The following CDH10 variants were observed in gnomAD, a reference collection of about 807,000 sequenced individuals.
CDH10 encodes the protein cadherin 10.
CDH10 carries 30 observed loss-of-function variants against 73.1 expected under a neutral mutation model. That is an observed-to-expected ratio of 0.41 (90% CI 0.31 to 0.56). The LOEUF (loss-of-function observed/expected upper bound fraction) is 0.56. Ranked by LOEUF, CDH10 falls within the 20% of genes least tolerant of loss-of-function variation. CDH10 has a pLI of 0.27. For synonymous variants in CDH10, 345 were observed against 348.2 expected (o/e 0.99, Z 0.10); for missense variants, 815 against 973.7 (o/e 0.84, Z 2.17).
Position 24,537,419 on chromosome 5 carries a change from C to A in CDH10, c.487G>T (p.Glu163Ter), listed in dbSNP as rs1743995448. The A allele has an allele frequency of 6.2e-7, 1 of 1,612,662 alleles. No homozygotes were observed. The highest frequency in any genetic ancestry group is 8.5e-7 in the Non-Finnish European group (1 of 1,179,054). The change falls in exon 3 of 12, where the codon GAA becomes TAA. Residue 163 changes from glutamate to a stop codon, truncating the protein, a stop_gained. Coordinates refer to ENST00000264463, the MANE Select transcript of CDH10 (RefSeq NM_006727.5). LOFTEE classifies it high-confidence loss of function. ...TCGGGAACACTAGCTGTATAGATTT[C>A]TTCTGGGAACGTTGGCTCATTGTCA... ...INDNEPTFPE[E>*]IYTASVPEMS...
intron 5 of CDH10, among the ~76,000 whole-genome samples, chr5:24,513,859 T>C (rs1198304184): frequency 6.6e-6 from 1 of 152,146 alleles, no homozygotes; most frequent in African/African-American, 2.4e-5. Flanking sequence ...GTCTGCTCTA[T>C]GGGGACCTCC....
intron 2 of CDH10, among the ~76,000 whole-genome samples, chr5:24,564,821 C>A (rs1262447830): frequency 1.3e-5 from 2 of 152,182 alleles, no homozygotes; most frequent in African/African-American, 4.8e-5. Flanking sequence ...TTCCACCTCT[C>A]TCAGGATACT....
At chr5:24,508,839 T>A (rs1429933222) in intron 7 of CDH10, among the ~76,000 whole-genome samples, 1 of 152,126 alleles carries the variant, frequency 6.6e-6, no homozygotes, top group East Asian at 1.9e-4. Flanking sequence ...TTTTAAAACT[T>A]CTCTCATTCA....
At chr5:24,512,169 C>G (rs989228082) in intron 5 of CDH10, among the ~76,000 whole-genome samples, 4 of 152,020 alleles carry the variant, frequency 2.6e-5, no homozygotes, top group African/African-American at 9.7e-5. Context: ...AGCATGTTGT[C>G]TCTTTATTTT....
chr5:24,518,390 T>C (rs1053073436), intron 5 of CDH10, among the ~76,000 whole-genome samples: 1 of 152,060 alleles, frequency 6.6e-6, no homozygotes, highest in Non-Finnish European at 1.5e-5. Context: ...CACACACACA[T>C]ATATATGCAC....
chr5:24,587,204 A>T (rs1746050209), intron 2 of CDH10, among the ~76,000 whole-genome samples: 2 of 152,184 alleles, frequency 1.3e-5, no homozygotes, highest in Non-Finnish European at 1.5e-5. Context: ...CTATTTAAGA[A>T]TTTACTTTAA....
Position 24,541,013 on chromosome 5 carries a change from T to C in CDH10, c.232-3339A>G, listed in dbSNP as rs546572126. 1.1e-4 allele frequency among the ~76,000 whole-genome samples: 16 copies of C among 152,080 alleles called. No homozygotes were observed. The South Asian group carries it at 2.9e-3, about 28-fold the overall frequency. On this transcript the variant is annotated intron_variant, in intron 2 of 11. Coordinates refer to ENST00000264463, the MANE Select transcript of CDH10 (RefSeq NM_006727.5). ...CAACTAAAAAAAAACCTTACACTTC[T>C]TATGTTTTTCAAAGTCAAGATCTGT...
At chr5:24,571,290 G>A (rs1745371643) in intron 2 of CDH10, among the ~76,000 whole-genome samples, 1 of 152,054 alleles carries the variant, frequency 6.6e-6, no homozygotes, top group Non-Finnish European at 1.5e-5. Flanking sequence ...ACATTTTTAA[G>A]AAGTTGGAAA....
At chr5:24,593,959 C>A (rs1419198727) in intron 1 of CDH10, among the ~76,000 whole-genome samples, 1 of 151,764 alleles carries the variant, frequency 6.6e-6, no homozygotes, top group African/African-American at 2.4e-5. Flanking sequence ...TAATTTAATG[C>A]AAATTATAAT....
intron 2 of CDH10, among the ~76,000 whole-genome samples, chr5:24,575,372 A>C (rs1745564592): frequency 1.3e-5 from 2 of 149,732 alleles, no homozygotes; most frequent in Admixed American, 1.3e-4. Context: ...AAAAAAAAAA[A>C]AGGAAAAAAA....
chr5:24,507,756 T>A (rs554184078), intron 7 of CDH10, among the ~76,000 whole-genome samples: 2 of 151,974 alleles, frequency 1.3e-5, no homozygotes, highest in South Asian at 4.2e-4. Context: ...TATAAAACTT[T>A]CAAAGGAAAA....
intron 5 of CDH10, among the ~76,000 whole-genome samples, chr5:24,531,310 T>C (rs1743737131): frequency 6.6e-6 from 1 of 152,110 alleles, no homozygotes; most frequent in African/African-American, 2.4e-5. Context: ...CTTTTACTTA[T>C]GTATGATTTG....
rs757864937 is a variant in CDH10, at chr5:24,492,846, T to C, written c.1595A>G (p.Asn532Ser). 4 of 1,546,622 alleles carry C rather than the reference T, an allele frequency of 2.6e-6. No homozygotes were observed. The highest frequency in any genetic ancestry group is 1.1e-5 in the South Asian group (1 of 89,736). ...QKFFFSLAAV[N>S]PNFTVQDNED... The stretch of plus-strand genomic sequence containing the variant: ...ATTATCCTGTACTGTGAAGTTTGGA[T>C]TGACAGCAGCTAAACTGAAAAAAAA... The change falls in exon 10 of 12, where the codon AAT (asparagine) becomes AGT (serine). Residue 532 changes from asparagine (N) to serine (S), a missense_variant. By Grantham distance (46) the Asn-to-Ser change is conservative (BLOSUM62 1). Transcript: ENST00000264463.
At position 24,574,839 on chromosome 5, in the gene CDH10, G is replaced by GAA. The variant is rs372892635; in HGVS notation, c.231+18419_231+18420dup. 3.4e-3 allele frequency among the ~76,000 whole-genome samples: 295 copies of GAA among 87,350 alleles called. 7 individuals carry two copies. The highest frequency in any genetic ancestry group is 8.1e-3 in the African/African-American group (287 of 35,596). The allele number at this position is 87,350 out of a possible 152,430, so 57.3% of individuals were successfully genotyped here. On this transcript the variant is annotated intron_variant, in intron 2 of 11. Transcript: ENST00000264463. ...ATTTAATTAGTTCAAAAGATGATAG[G>GAA]AAAAAAAAACCAGAGAACAAAACTA... is the stretch of plus-strand genomic sequence containing the variant.
At chr5:24,606,698 G>T (rs902609173) in intron 1 of CDH10, among the ~76,000 whole-genome samples, 5 of 151,980 alleles carry the variant, frequency 3.3e-5, no homozygotes, top group African/African-American at 1.2e-4. Flanking sequence ...TACCTTCATC[G>T]TATTTTTGTT....
chr5:24,612,597 T>A (rs1003183591), intron 1 of CDH10: 17 of 151,696 alleles, frequency 1.1e-4, no homozygotes, highest in African/African-American at 4.1e-4. Context: ...TACACATTAA[T>A]GCTTTTTGTA....
chr5:24,498,123 T>G (rs1742358995), intron 9 of CDH10, among the ~76,000 whole-genome samples: 1 of 152,164 alleles, frequency 6.6e-6, no homozygotes, highest in Non-Finnish European at 1.5e-5. Context: ...TTTTGAAAAT[T>G]TTGAAAGTAG....
chr5:24,545,684 G>A (rs1744313839), intron 2 of CDH10, among the ~76,000 whole-genome samples: 1 of 151,834 alleles, frequency 6.6e-6, no homozygotes, highest in African/African-American at 2.4e-5. Flanking sequence ...ATGGTGGCAT[G>A]CCTGTAGTCC....
At chr5:24,572,863 T>A (rs79010955) in intron 2 of CDH10, among the ~76,000 whole-genome samples, 10,707 of 139,076 alleles carry the variant, frequency 0.077, 711 homozygotes, top group East Asian at 0.17. Flanking sequence ...TGTAAAAAAC[T>A]GGGACAGAAA....
Sources: gnomAD v4.1 joint callset for allele counts (sites outside exome capture counted in the v4.1 genomes callset) on GRCh38, gnomAD v4.1.1 for gene constraint, MANE v1.5 for transcripts, NCBI Gene and HGNC (gene_info 2026-07-23, HGNC 2026-07-21) for gene names.